The following BCL9 variants were observed in gnomAD, a reference collection of about 807,000 sequenced individuals.
The protein encoded by BCL9 is B-cell CLL/lymphoma 9 protein.
Under a neutral mutation model 88.5 loss-of-function variants are expected in BCL9, and 25 were observed. The ratio of observed to expected loss-of-function variants is 0.28; its 90% CI spans 0.21 to 0.39. The LOEUF (loss-of-function observed/expected upper bound fraction) is 0.39, where lower values mean the gene tolerates loss of function less well. Among genes scored for constraint, BCL9 ranks in the 10% least tolerant of loss-of-function variants. The probability of loss-of-function intolerance (pLI) is 1.00; values close to 1 mark genes in which losing one functional copy is unlikely to be tolerated. For synonymous variants in BCL9, 711 were observed against 673.3 expected (o/e 1.06, Z -0.87); for missense variants, 1,817 against 1,877.8 (o/e 0.97, Z 0.60).
chr1:147,583,692 C>T (rs1278795118), intron 1 of BCL9, among the ~76,000 whole-genome samples: 3 of 151,824 alleles, frequency 2.0e-5, no homozygotes, highest in Non-Finnish European at 4.4e-5. Flanking sequence ...GTGGCTCACA[C>T]CTGTAATCCC....
chr1:147,546,280 G>C (rs1306913023), intron 1 of BCL9, among the ~76,000 whole-genome samples: 1 of 151,744 alleles, frequency 6.6e-6, no homozygotes, highest in African/African-American at 2.4e-5. Flanking sequence ...GGAGCTTGCA[G>C]TAAGCTGAGA....
intron 1 of BCL9, among the ~76,000 whole-genome samples, chr1:147,602,737 G>A (rs1299217948): frequency 2.0e-5 from 3 of 152,158 alleles, no homozygotes; most frequent in Non-Finnish European, 4.4e-5. Flanking sequence ...CATTGTATAA[G>A]GCAAGTGTAT....
At chr1:147,577,485 A>C (rs918694116) in intron 1 of BCL9, among the ~76,000 whole-genome samples, 1 of 152,170 alleles carries the variant, frequency 6.6e-6, no homozygotes. Context: ...TTTGGCAAAC[A>C]AAAGGACGAA....
chr1:147,602,487 G>C (rs1657449252), intron 1 of BCL9, among the ~76,000 whole-genome samples: 1 of 152,184 alleles, frequency 6.6e-6, no homozygotes, highest in African/African-American at 2.4e-5. Flanking sequence ...TGGGATTACA[G>C]GTGTGAGCCA....
Position 147,620,732 on chromosome 1 carries a change from C to T in BCL9, c.2577C>T (p.Gly859=), listed in dbSNP as rs782655520. The T allele has an allele frequency of 1.9e-5, 31 of 1,614,020 alleles. No individual in the cohort carries two copies. Among genetic ancestry groups the T allele is most frequent in the Non-Finnish European group, 2.5e-5 (30 of 1,180,046 alleles). The stretch of plus-strand genomic sequence containing the variant: ...CAGGCAGCCAGGTGCATTCCCCAGG[C>T]ATTAACCCTCTGAAGTCTCCCACGA... ...SVAGSQVHSP[G]INPLKSPTMH... The change falls in exon 8 of 10, where the codon GGC becomes GGT. Residue 859 remains glycine (G), a synonymous_variant. Transcript: ENST00000234739.
At chr1:147,584,755 G>T (rs1480723604) in intron 1 of BCL9, among the ~76,000 whole-genome samples, 2 of 152,178 alleles carry the variant, frequency 1.3e-5, no homozygotes, top group African/African-American at 2.4e-5. Context: ...TGGTCAATTT[G>T]TCAGGAATGC....
chr1:147,546,343 A>T (rs1654592259), intron 1 of BCL9, among the ~76,000 whole-genome samples: 2 of 152,014 alleles, frequency 1.3e-5, no homozygotes, highest in Admixed American at 1.3e-4. Context: ...AAAAAAAAAA[A>T]ATAATAAATA....
chr1:147,596,410 TC>T (rs1414908919), intron 1 of BCL9, among the ~76,000 whole-genome samples: 1 of 938 alleles, frequency 1.1e-3, no homozygotes, highest in South Asian at 0.015. Flanking sequence ...TTCTTTTTTT[TC>T]TTTTCTTTTT....
chr1:147,583,507 G>A (rs150380197), intron 1 of BCL9, among the ~76,000 whole-genome samples: 2,433 of 151,384 alleles, frequency 0.016, 20 homozygotes, highest in African/African-American at 0.03. Flanking sequence ...CGAACTCCTG[G>A]CCTCAGGTGA....
At position 147,619,358 on chromosome 1, in the gene BCL9, A is replaced by C; in HGVS notation, c.1203A>C (p.Lys401Asn). The C allele has an allele frequency of 6.2e-7, 1 of 1,613,852 alleles. No homozygotes were observed. The change falls in exon 8 of 10, where the codon AAA (lysine) becomes AAC (asparagine). Residue 401 changes from lysine to asparagine, a missense_variant. Lys to Asn is a moderately conservative substitution (Grantham distance 94). This residue lies in a region of BCL9 where 1,228 missense variants were observed against 1,191.6 expected (regional missense o/e 1.03). Coordinates refer to ENST00000234739, the MANE Select transcript of BCL9 (RefSeq NM_004326.4). The surrounding 1 kb of genome is among the most constrained non-coding windows in gnomAD (Gnocchi z 4.1). ...NPGVLDGPQK[K>N]PEGPIQAMMA... The stretch of plus-strand genomic sequence containing the variant: ...GGGTATTAGATGGGCCTCAGAAAAA[A>C]CCAGAAGGGCCAATACAGGCCATGA...
rs782590786 is a variant in BCL9 at position 147,612,934 on chromosome 1, C to G, written c.105C>G (p.Ser35=). Residue 35 remains serine (S), a synonymous_variant, in exon 5 of 10, where the codon TCC becomes TCG. Transcript: ENST00000234739. ...EVMVRPPTVM[S]PSGNPQLDSK... ...TGGTCCGTCCCCCTACAGTGATGTC[C>G]CCATCTGGAAACCCCCAGCTGGATT... The G allele has an allele frequency of 1.9e-6, 3 of 1,613,814 alleles. No homozygotes were observed. The highest frequency in any genetic ancestry group is 2.5e-6 in the Non-Finnish European group (3 of 1,179,926).
At chr1:147,548,434 T>A (rs1553194480) in intron 1 of BCL9, among the ~76,000 whole-genome samples, 1 of 152,196 alleles carries the variant, frequency 6.6e-6, no homozygotes, top group African/African-American at 2.4e-5. Context: ...CTCCAGCTGC[T>A]CCTTTCAAGA....
intron 3 of BCL9, among the ~76,000 whole-genome samples, chr1:147,610,984 A>G (rs1182034512): frequency 6.6e-6 from 1 of 152,238 alleles, no homozygotes; most frequent in African/African-American, 2.4e-5. Context: ...TAGAAAGATC[A>G]TGGAAATCAG....
At chr1:147,568,124 T>C (rs1223114415) in intron 1 of BCL9, among the ~76,000 whole-genome samples, 1 of 152,330 alleles carries the variant, frequency 6.6e-6, no homozygotes, top group East Asian at 1.9e-4. Flanking sequence ...TGCCTCTTCC[T>C]TTTGGAAATG....
At chr1:147,548,424 C>T (rs1557817743) in intron 1 of BCL9, among the ~76,000 whole-genome samples, 2 of 152,198 alleles carry the variant, frequency 1.3e-5, no homozygotes, top group Non-Finnish European at 2.9e-5. Context: ...TCCAAGCCAG[C>T]TCCAGCTGCT....
chr1:147,615,536 A>G (rs6690581), intron 6 of BCL9, among the ~76,000 whole-genome samples: 39,203 of 152,146 alleles, frequency 0.26, 6,211 homozygotes, highest in African/African-American at 0.44. Context: ...ACAGCGGATT[A>G]GTTTCAGGAG....
chr1:147,559,794 T>TC (rs1655290998), intron 1 of BCL9, among the ~76,000 whole-genome samples: 1 of 152,156 alleles, frequency 6.6e-6, no homozygotes, highest in African/African-American at 2.4e-5. Flanking sequence ...ACCCTTACTT[T>TC]CCCCACTGAC....
Position 147,615,849 on chromosome 1 carries a change from T to C in BCL9, c.607T>C (p.Phe203Leu). 1 of 1,614,182 alleles carries C rather than the reference T, an allele frequency of 6.2e-7. No individual in the cohort carries two copies. Among genetic ancestry groups the C allele is most frequent in the Non-Finnish European group, 8.5e-7 (1 of 1,180,026 alleles). ...LKGQVETIVS[F>L]HIQNISNNKT... ...GGGCCAGGTTGAAACTATCGTCTCTTTCCACATCCAGAACATTTCTAACAA... is the reference window on the plus strand; with the variant it reads ...GGGCCAGGTTGAAACTATCGTCTCTCTCCACATCCAGAACATTTCTAACAA... Residue 203 changes from phenylalanine to leucine, a missense_variant, in exon 7 of 10, where the codon TTC (phenylalanine) becomes CTC (leucine). Phe to Leu is a conservative substitution (Grantham distance 22, BLOSUM62 0). Coordinates refer to ENST00000234739, the MANE Select transcript of BCL9 (RefSeq NM_004326.4).
rs1464028855 is a variant in BCL9, at chr1:147,626,204, G to A, written c.*1245G>A. 1.1e-5 allele frequency: 2 copies of A among 187,502 alleles called. No individual in the cohort carries two copies. The highest frequency in any genetic ancestry group is 2.3e-5 in the Non-Finnish European group (2 of 88,796). 11.6% of individuals were successfully genotyped at this position (187,502 alleles called of 1,614,324 possible). A position where few individuals can be genotyped will look rare whatever the true frequency, so the allele number is the denominator to read the frequency against. On this transcript the variant is annotated 3_prime_UTR_variant, in exon 10 of 10. Coordinates refer to ENST00000234739, the MANE Select transcript of BCL9 (RefSeq NM_004326.4). ...TGGTGTCAGAAAAATAAAATATATTGTTTCTTACAAAATTGAACTGCCTTT... is the reference window on the plus strand; with the variant it reads ...TGGTGTCAGAAAAATAAAATATATTATTTCTTACAAAATTGAACTGCCTTT...
Sources: allele counts gnomAD v4.1 joint callset (sites outside exome capture counted in the v4.1 genomes callset), GRCh38; gene constraint gnomAD v4.1.1; regional missense constraint gnomAD v4.1.1; non-coding constraint Gnocchi (gnomAD v3.1); transcripts MANE v1.5; gene names NCBI Gene and HGNC (gene_info 2026-07-23, HGNC 2026-07-21).